The following WHAMM variants were observed in gnomAD, a reference collection of about 807,000 sequenced individuals.
WHAMM encodes the protein WASP homolog-associated protein with actin, membranes and microtubules.
Under a neutral mutation model 76.5 loss-of-function variants are expected in WHAMM, and 67 were observed. That is an observed-to-expected ratio of 0.88 (90% CI 0.72 to 1.07). The LOEUF (loss-of-function observed/expected upper bound fraction) is 1.07, where lower values mean the gene tolerates loss of function less well. Ranked by LOEUF, WHAMM falls within the 50% of genes least tolerant of loss-of-function variation. WHAMM has a pLI of 0.00. For missense variants in WHAMM, 1,021 were observed against 1,051.1 expected (o/e 0.97, Z 0.40); for synonymous variants, 419 against 422.1 (o/e 0.99, Z 0.09).
rs775968039 is a variant in WHAMM, at chr15:82,813,257, T to C, written c.764T>C (p.Leu255Ser). The change falls in exon 2 of 10, where the codon TTA (leucine) becomes TCA (serine). Residue 255 changes from leucine to serine, a missense_variant. Transcript: ENST00000286760. The part of the protein sequence containing the change: ...PFRAMREVAT[L>S]CKLDILKSLD... ...AGGGCTATGCGAGAAGTTGCAACTT[T>C]ATGTAAGCTTGATATTTTGGTATGT... is the stretch of plus-strand genomic sequence containing the variant. 60 of 1,566,462 alleles carry C rather than the reference T, an allele frequency of 3.8e-5. No homozygotes were observed. In the East Asian group the frequency reaches 1.1e-3, roughly 28 times the overall value.
rs2050865585 is a variant in WHAMM at position 82,823,190 on chromosome 15, A to C, written c.1361A>C (p.Lys454Thr). ...TGTGTGGTGGGGCTGCAGGATGATA[A>C]GAATTTGGAAGTGAAAGAACTCAGA... ...IDCVVGLQDDKNLEVKELRRQ... is the reference protein window; with the variant it reads ...IDCVVGLQDDTNLEVKELRRQ... The change falls in exon 6 of 10, where the codon AAG becomes ACG. Residue 454 changes from lysine (K) to threonine (T), a missense_variant. Lys to Thr is a moderately conservative substitution (Grantham distance 78). This residue lies in a region of WHAMM where 509 missense variants were observed against 492.3 expected (regional missense o/e 1.03). Coordinates refer to ENST00000286760, the MANE Select transcript of WHAMM (RefSeq NM_001080435.3). 6.3e-7 allele frequency: 1 copy of C among 1,584,554 alleles called. No individual in the cohort carries two copies. Among genetic ancestry groups the C allele is most frequent in the Non-Finnish European group, 8.6e-7 (1 of 1,162,624 alleles).
chr15:82,821,200 C>G (rs528516059), intron 5 of WHAMM, among the ~76,000 whole-genome samples: 1 of 152,056 alleles, frequency 6.6e-6, no homozygotes, highest in Non-Finnish European at 1.5e-5. Flanking sequence ...TGCAAATAAT[C>G]TCTCCTTGTC....
intron 2 of WHAMM, among the ~76,000 whole-genome samples, chr15:82,814,524 C>T (rs544282267): frequency 2.0e-5 from 3 of 152,270 alleles, no homozygotes; most frequent in East Asian, 3.9e-4. Flanking sequence ...AGTCTCAGCT[C>T]ATCGCAACCT....
Position 82,810,184 on chromosome 15 carries a change from T to C in WHAMM, c.458T>C (p.Leu153Pro). The change falls in exon 1 of 10, where the codon CTG becomes CCG. Residue 153 changes from leucine (L) to proline (P), a missense_variant. Leu to Pro is a moderately conservative substitution (Grantham distance 98). Transcript: ENST00000286760. Reference protein sequence around the residue: ...QELCGQLERYLGAAADGCGGA... With the variant: ...QELCGQLERYPGAAADGCGGA... ...CTGTGCGGGCAGCTGGAACGCTATCTGGGCGCGGCGGCCGACGGCTGCGGC... is the reference window on the plus strand; with the variant it reads ...CTGTGCGGGCAGCTGGAACGCTATCCGGGCGCGGCGGCCGACGGCTGCGGC... The C allele has an allele frequency of 7.1e-7, 1 of 1,403,784 alleles. No homozygotes were observed. The highest frequency in any genetic ancestry group is 9.3e-7 in the Non-Finnish European group (1 of 1,075,100). 87.0% of individuals were successfully genotyped at this position (1,403,784 alleles called of 1,614,324 possible).
At chr15:82,824,691 C>G (rs1026193646) in intron 6 of WHAMM, among the ~76,000 whole-genome samples, 1 of 152,106 alleles carries the variant, frequency 6.6e-6, no homozygotes, top group Admixed American at 6.5e-5. Flanking sequence ...GTCTTGAATT[C>G]CTGACCTCAA....
Position 82,814,184 on chromosome 15 carries a change from G to C in WHAMM, c.783+908G>C, listed in dbSNP as rs116144157. Among the ~76,000 whole-genome samples the C allele has an allele frequency of 7.1e-3, 1,083 of 152,304 alleles. 9 individuals carry two copies. The highest frequency in any genetic ancestry group is 0.024 in the African/African-American group (981 of 41,570). On this transcript the variant is annotated intron_variant, in intron 2 of 9. Coordinates refer to ENST00000286760, the MANE Select transcript of WHAMM (RefSeq NM_001080435.3). ...GCATGCTTATTCCAGTGTTACAAAT[G>C]AATCTAGAGTCCAGAGGAGTTAAAC...
rs1306412723 is a variant in WHAMM, at chr15:82,815,128, TATATATATATATATATATATATATATA to T, written c.784-1563_784-1537del. 9.1e-4 allele frequency among the ~76,000 whole-genome samples: 23 copies of T among 25,364 alleles called. No homozygotes were observed. The South Asian group carries it at 0.011, about 13-fold the overall frequency. The allele number at this position is 25,364 out of a possible 152,430, so 16.6% of individuals were successfully genotyped here. ...CACAGATTTTATATATATATATATATATATATATATATATATATATATATATAGTACAATTCAGTGATTTTTAGTATA... is the reference window on the plus strand; with the variant it reads ...CACAGATTTTATATATATATATATATGTACAATTCAGTGATTTTTAGTATA... On this transcript the variant is annotated intron_variant, in intron 2 of 9. Transcript: ENST00000286760.
intron 1 of WHAMM, among the ~76,000 whole-genome samples, chr15:82,812,072 G>T (rs1289073750): frequency 2.6e-5 from 4 of 152,182 alleles, no homozygotes; most frequent in Non-Finnish European, 5.9e-5. Flanking sequence ...TTTCTGCCCT[G>T]CAGCAGAAGC....
At chr15:82,818,461 G>A (rs55994896) in intron 4 of WHAMM, among the ~76,000 whole-genome samples, 1 of 152,100 alleles carries the variant, frequency 6.6e-6, no homozygotes, top group African/African-American at 2.4e-5. Context: ...ACCATCTTCT[G>A]TGGAAGGTTA....
chr15:82,815,637 CCAGA>C (rs1165179227), intron 2 of WHAMM, among the ~76,000 whole-genome samples: 1 of 152,094 alleles, frequency 6.6e-6, no homozygotes, highest in Non-Finnish European at 1.5e-5. Flanking sequence ...TGAAAGACTG[CCAGA>C]CAGTTTTCCA....
chr15:82,816,070 AAG>A (rs1440503228), intron 2 of WHAMM, among the ~76,000 whole-genome samples: 5 of 152,116 alleles, frequency 3.3e-5, no homozygotes, highest in Non-Finnish European at 7.4e-5. Context: ...AGAGCAGAGA[AAG>A]AGAGATCCTG....
chr15:82,815,060 G>A (rs1472640462), intron 2 of WHAMM, among the ~76,000 whole-genome samples: 2 of 142,556 alleles, frequency 1.4e-5, no homozygotes, highest in Non-Finnish European at 3.0e-5. Flanking sequence ...GTGAGCCACC[G>A]CACCCGGCCT....
chr15:82,827,487 A>T (rs1252222183), intron 8 of WHAMM, among the ~76,000 whole-genome samples: 1 of 152,066 alleles, frequency 6.6e-6, no homozygotes, highest in Non-Finnish European at 1.5e-5. Flanking sequence ...TCAAAAAATA[A>T]TTTTTTGCTT....
intron 5 of WHAMM, among the ~76,000 whole-genome samples, chr15:82,822,682 C>T (rs2050849753): frequency 6.6e-6 from 1 of 152,216 alleles, no homozygotes; most frequent in Non-Finnish European, 1.5e-5. Flanking sequence ...AGGTGTTCCG[C>T]CTGCCTTGGC....
Position 82,829,413 on chromosome 15 carries a change from G to A in WHAMM, c.1642-1186G>A, listed in dbSNP as rs1355730659. ...TGGTTCAGGGAACCCCAGCATCAGG[G>A]ATGACCTGATCAGTTGGATGGAGAT... On this transcript the variant is annotated intron_variant, in intron 8 of 9. Transcript: ENST00000286760. 2.6e-5 allele frequency among the ~76,000 whole-genome samples: 4 copies of A among 152,356 alleles called. No individual in the cohort carries two copies. The East Asian group carries it at 7.7e-4, about 29-fold the overall frequency.
chr15:82,821,798 T>G (rs1195600133), intron 5 of WHAMM, among the ~76,000 whole-genome samples: 1 of 152,214 alleles, frequency 6.6e-6, no homozygotes, highest in Non-Finnish European at 1.5e-5. Flanking sequence ...TTGGGGAGAA[T>G]AGTGGTCTTT....
At chr15:82,830,554 G>C (rs370606263) in intron 8 of WHAMM, 45 bp from the exon 9 acceptor site, 27 of 1,586,422 alleles carry the variant, frequency 1.7e-5, no homozygotes, top group Middle Eastern at 2.3e-4. Context: ...CATTTTGATG[G>C]TTTGCACTTG....
At chr15:82,829,461 T>A (rs2050991254) in intron 8 of WHAMM, among the ~76,000 whole-genome samples, 1 of 152,224 alleles carries the variant, frequency 6.6e-6, no homozygotes, top group Admixed American at 6.5e-5. Flanking sequence ...CACTGGAGTT[T>A]AGCCCTCTGG....
Position 82,831,028 on chromosome 15 carries a change from G to T in WHAMM, c.2071G>T (p.Glu691Ter), listed in dbSNP as rs200988242. The change falls in exon 9 of 10, where the codon GAA becomes TAA. Residue 691 changes from glutamate (E) to a stop codon, truncating the protein, a stop_gained. Transcript: ENST00000286760. LOFTEE classifies it high-confidence loss of function. Reference sequence around the variant, plus strand: ...TGACCAGCCACGTCCTCTAGTGTGCGAATCACCTGCTGAGCGACCACGTGA... The same window carrying T: ...TGACCAGCCACGTCCTCTAGTGTGCTAATCACCTGCTGAGCGACCACGTGA... ...KDDQPRPLVC[E>*]SPAERPRDSL... 6.2e-7 allele frequency: 1 copy of T among 1,611,176 alleles called. No homozygotes were observed.
Sources: allele counts gnomAD v4.1 joint callset (sites outside exome capture counted in the v4.1 genomes callset), GRCh38; gene constraint gnomAD v4.1.1; regional missense constraint gnomAD v4.1.1; transcripts MANE v1.5; gene names NCBI Gene and HGNC (gene_info 2026-07-23, HGNC 2026-07-21).